The following ASTN2 variants were observed in gnomAD, a reference collection of about 807,000 sequenced individuals.
ASTN2 encodes the protein astrotactin-2.
A neutral mutation model predicts 139.8 loss-of-function variants in ASTN2; 54 were observed. The observed-to-expected ratio is 0.39, with a 90% CI of 0.31 to 0.48. The LOEUF is 0.48. Among genes scored for constraint, ASTN2 ranks in the 20% least tolerant of loss-of-function variants. The pLI is 0.95. For synonymous variants in ASTN2, 756 were observed against 719.5 expected, an observed-to-expected ratio of 1.05 and a Z score of -0.81; for missense variants, 1,565 against 1,725.1, an observed-to-expected ratio of 0.91 and a Z score of 1.64.
At chr9:116,720,745 C>G (rs532492889) in intron 16 of ASTN2, among the ~76,000 whole-genome samples, 1 of 152,282 alleles carries the variant, frequency 6.6e-6, no homozygotes, top group African/African-American at 2.4e-5. Context: ...TATTATATTT[C>G]TAATTCCTGC....
intron 1 of ASTN2, among the ~76,000 whole-genome samples, chr9:117,319,142 C>CT (rs902566526): frequency 1.2e-4 from 18 of 152,076 alleles, no homozygotes; most frequent in Non-Finnish European, 2.5e-4. Context: ...TATGGATGAG[C>CT]TTTTTTTTAT....
chr9:116,733,324 G>C (rs1828837530), intron 14 of ASTN2, 75 bp downstream of exon 14: 1 of 1,569,480 alleles, frequency 6.4e-7, no homozygotes, highest in African/African-American at 1.4e-5. Context: ...ATCTGCTGAA[G>C]ACTGATATGC....
intron 6 of ASTN2, among the ~76,000 whole-genome samples, chr9:117,009,054 G>A (rs1279534358): frequency 6.6e-6 from 1 of 152,100 alleles, no homozygotes; most frequent in African/African-American, 2.4e-5. Flanking sequence ...TGGGGTTTGG[G>A]ACACAATAAA....
At chr9:117,105,789 G>T (rs368635581) in intron 4 of ASTN2, among the ~76,000 whole-genome samples, 2 of 152,152 alleles carry the variant, frequency 1.3e-5, no homozygotes, top group African/African-American at 4.8e-5. Flanking sequence ...GACATACGGT[G>T]TGACTGAAAA....
At chr9:116,866,073 G>A (rs1006951022) in intron 10 of ASTN2, among the ~76,000 whole-genome samples, 9 of 152,162 alleles carry the variant, frequency 5.9e-5, no homozygotes, top group Admixed American at 2.6e-4. Context: ...TGTGAGCATA[G>A]TGGCTAAATC....
intron 4 of ASTN2, among the ~76,000 whole-genome samples, chr9:117,111,519 A>G (rs543755488): frequency 2.6e-5 from 4 of 152,258 alleles, no homozygotes; most frequent in African/African-American, 9.6e-5. Flanking sequence ...CAACTCCCCA[A>G]TCTGAGAAAC....
At chr9:116,921,622 G>C (rs1382874051) in intron 10 of ASTN2, among the ~76,000 whole-genome samples, 2 of 151,010 alleles carry the variant, frequency 1.3e-5, no homozygotes, top group Non-Finnish European at 2.9e-5. Context: ...ACCCAAGACT[G>C]GGTAATTTAT....
intron 2 of ASTN2, among the ~76,000 whole-genome samples, chr9:117,250,838 C>T (rs1185643713): frequency 6.6e-6 from 1 of 152,080 alleles, no homozygotes; most frequent in Non-Finnish European, 1.5e-5. Context: ...GTGAAAGGTC[C>T]CCAAGGGCTT....
At chr9:116,975,881 G>A (rs534551605) in intron 9 of ASTN2, among the ~76,000 whole-genome samples, 9 of 152,288 alleles carry the variant, frequency 5.9e-5, no homozygotes, top group Non-Finnish European at 1.2e-4. Flanking sequence ...AATCAGTAAT[G>A]TCTCCTCCAG....
At chr9:116,891,609 C>T (rs950364263) in intron 10 of ASTN2, among the ~76,000 whole-genome samples, 1 of 152,212 alleles carries the variant, frequency 6.6e-6, no homozygotes, top group Non-Finnish European at 1.5e-5. Flanking sequence ...CAGATGCAGG[C>T]AGGCTCTATG....
At chr9:116,845,241 A>G (rs1832393079) in intron 11 of ASTN2, among the ~76,000 whole-genome samples, 1 of 152,112 alleles carries the variant, frequency 6.6e-6, no homozygotes, top group Admixed American at 6.5e-5. Flanking sequence ...CAGCCTCCCG[A>G]GTAGCTGGGA....
chr9:117,141,318 G>C lies in ASTN2; in HGVS notation c.1168+8C>G. ...GACTTCCTGGCCAGATGTGCCAGGA[G>C]GGCCTACCTCGAGACTTGCTCCTCC... is the stretch of plus-strand genomic sequence containing the variant. On this transcript the variant is annotated splice_region_variant and intron_variant, in intron 4 of 22. Transcript: ENST00000313400. 9.5e-6 allele frequency: 13 copies of C among 1,366,788 alleles called. No individual in the cohort carries two copies. The highest frequency in any genetic ancestry group is 1.3e-5 in the Non-Finnish European group (13 of 1,021,414). 84.7% of individuals were successfully genotyped at this position (1,366,788 alleles called of 1,614,324 possible). A position where few individuals can be genotyped will look rare whatever the true frequency, so the allele number is the denominator to read the frequency against.
At chr9:116,949,949 T>A (rs1835510609) in intron 10 of ASTN2, among the ~76,000 whole-genome samples, 1 of 152,160 alleles carries the variant, frequency 6.6e-6, no homozygotes, top group Non-Finnish European at 1.5e-5. Context: ...ATATGGAAAA[T>A]GTTCAATAAA....
intron 4 of ASTN2, among the ~76,000 whole-genome samples, chr9:117,111,940 A>G (rs189315045): frequency 1.3e-5 from 2 of 152,132 alleles, no homozygotes; most frequent in East Asian, 1.9e-4. Context: ...TTACTTTAGC[A>G]TGATTGAAAT....
At chr9:117,237,301 G>A (rs1833074153) in intron 2 of ASTN2, among the ~76,000 whole-genome samples, 1 of 152,124 alleles carries the variant, frequency 6.6e-6, no homozygotes, top group Non-Finnish European at 1.5e-5. Flanking sequence ...ATTTGGTCAA[G>A]GTTGTTGGAA....
intron 1 of ASTN2, among the ~76,000 whole-genome samples, chr9:117,406,048 G>C (rs1830978030): frequency 6.6e-6 from 1 of 152,148 alleles, no homozygotes. Flanking sequence ...GTCTACTGTG[G>C]ATTCTGGGAT....
chr9:116,681,606 G>A (rs527321841), intron 16 of ASTN2, among the ~76,000 whole-genome samples: 204 of 152,166 alleles, frequency 1.3e-3, no homozygotes, highest in African/African-American at 4.6e-3. Flanking sequence ...GAAGCATCAC[G>A]CTACCTGACT....
chr9:117,383,894 C>T (rs1830331216), intron 1 of ASTN2, among the ~76,000 whole-genome samples: 1 of 152,160 alleles, frequency 6.6e-6, no homozygotes, highest in South Asian at 2.1e-4. Flanking sequence ...ATGTTCCTAA[C>T]CTGTTGCTTG....
At chr9:117,088,961 C>T (rs775632841) in intron 5 of ASTN2, among the ~76,000 whole-genome samples, 5 of 152,170 alleles carry the variant, frequency 3.3e-5, no homozygotes, top group Non-Finnish European at 7.3e-5. Flanking sequence ...AAACCACCTG[C>T]ACTTCTCATC....
Sources: gnomAD v4.1 joint callset for allele counts (sites outside exome capture counted in the v4.1 genomes callset) on GRCh38, gnomAD v4.1.1 for gene constraint, MANE v1.5 for transcripts, NCBI Gene and HGNC (gene_info 2026-07-23, HGNC 2026-07-21) for gene names.